Variants in ATP6V0D2 observed in about 807,000 individuals in gnomAD.
ATP6V0D2 encodes V-type proton ATPase subunit d 2.
Under a neutral mutation model 40.0 loss-of-function variants are expected in ATP6V0D2, and 40 were observed. The observed-to-expected ratio is 1.00, with a 90% CI of 0.78 to 1.30. The LOEUF (loss-of-function observed/expected upper bound fraction) is 1.30, where lower values mean the gene tolerates loss of function less well. Among genes scored for constraint, ATP6V0D2 ranks in the 50% most tolerant of loss-of-function variants. The probability of loss-of-function intolerance (pLI) is 0.00; values close to 1 mark genes in which losing one functional copy is unlikely to be tolerated. For missense variants in ATP6V0D2, 470 were observed against 423.1 expected (o/e 1.11, Z -0.97); for synonymous variants, 179 against 156.3 (o/e 1.15, Z -1.08).
At chr8:86,110,114 A>G (rs1392830829) in intron 1 of ATP6V0D2, among the ~76,000 whole-genome samples, 1 of 152,128 alleles carries the variant, frequency 6.6e-6, no homozygotes, top group African/African-American at 2.4e-5. Flanking sequence ...ATTTTTTGAG[A>G]CAGAGTCTGT....
rs965196415 is a variant in ATP6V0D2, at chr8:86,126,823, G to T, written c.303-12634G>T. Among the ~76,000 whole-genome samples the T allele has an allele frequency of 5.9e-5, 9 of 152,226 alleles. No individual in the cohort carries two copies. In the South Asian group the frequency reaches 1.5e-3, roughly 25 times the overall value. On this transcript the variant is annotated intron_variant, in intron 2 of 7. Coordinates refer to ENST00000285393, the MANE Select transcript of ATP6V0D2 (RefSeq NM_152565.1). ...GAACCAAGACATTAATGTAGAAAAG[G>T]ACAAGTTAAGTTTGAAGAATTTTTA... is the stretch of plus-strand genomic sequence containing the variant.
chr8:86,151,267 C>A lies in ATP6V0D2; in HGVS notation c.817-199C>A, dbSNP rs67705049. Reference sequence around the variant, plus strand: ...TTGTAGCCCTGAACAAGCCAATAGGCTAGAATTTCATCCACACTCTTGTTA... The same window carrying A: ...TTGTAGCCCTGAACAAGCCAATAGGATAGAATTTCATCCACACTCTTGTTA... On this transcript the variant is annotated intron_variant, in intron 6 of 7. Transcript: ENST00000285393. 0.045 allele frequency among the ~76,000 whole-genome samples: 6,871 copies of A among 152,104 alleles called. 274 individuals carry two copies. Among genetic ancestry groups the A allele is most frequent in the African/African-American group, 0.11 (4,681 of 41,482 alleles).
chr8:86,119,360 C>T (rs11993902), intron 2 of ATP6V0D2, among the ~76,000 whole-genome samples: 5 of 151,302 alleles, frequency 3.3e-5, no homozygotes, highest in Admixed American at 1.3e-4. Context: ...TTCCAAGTAG[C>T]TGGGTCTACA....
chr8:86,141,057 G>A (rs1424111670), intron 3 of ATP6V0D2, among the ~76,000 whole-genome samples: 1 of 152,238 alleles, frequency 6.6e-6, no homozygotes, highest in Admixed American at 6.5e-5. Context: ...GCTCTCCTAT[G>A]AGAACCTAAT....
At chr8:86,148,348 A>G (rs1486216435) in intron 5 of ATP6V0D2, among the ~76,000 whole-genome samples, 1 of 152,170 alleles carries the variant, frequency 6.6e-6, no homozygotes, top group Non-Finnish European at 1.5e-5. Context: ...CAGCTCACAC[A>G]TAATCTCCAT....
intron 1 of ATP6V0D2, among the ~76,000 whole-genome samples, chr8:86,110,610 T>C (rs1818518425): frequency 6.6e-6 from 1 of 152,178 alleles, no homozygotes; most frequent in South Asian, 2.1e-4. Flanking sequence ...ATACTAGAGT[T>C]GTCCTTTTCA....
chr8:86,104,310 G>A (rs1280687078), intron 1 of ATP6V0D2, among the ~76,000 whole-genome samples: 3 of 152,124 alleles, frequency 2.0e-5, no homozygotes, highest in African/African-American at 7.2e-5. Context: ...AACATGCTGG[G>A]ATTATAGGCC....
chr8:86,099,006 A>G lies in ATP6V0D2; in HGVS notation c.28A>G (p.Asn10Asp), dbSNP rs1382669251. The change falls in exon 1 of 8, where the codon AAC becomes GAC. Residue 10 changes from asparagine (N) to aspartate (D), a missense_variant. By Grantham distance (23) the Asn-to-Asp change is conservative. Coordinates refer to ENST00000285393, the MANE Select transcript of ATP6V0D2 (RefSeq NM_152565.1). The part of the protein sequence containing the change: MLEGAELYF[N>D]VDHGYLEGLV... ...GCTCGAAGGTGCGGAGCTGTACTTC[A>G]ACGTGGACCATGGCTACCTGGAGGG... 10 of 1,614,024 alleles carry G rather than the reference A, an allele frequency of 6.2e-6. No homozygotes were observed. Among genetic ancestry groups the G allele is most frequent in the Admixed American group, 5.0e-5 (3 of 59,992 alleles).
In ATP6V0D2 at chr8:86,148,679, G is replaced by C. The variant is rs115554782; in HGVS notation, c.640-1433G>C. Among the ~76,000 whole-genome samples the C allele has an allele frequency of 5.6e-3, 848 of 152,218 alleles. 7 individuals are homozygous for C. Among genetic ancestry groups the C allele is most frequent in the African/African-American group, 0.019 (808 of 41,522 alleles). ...TATTGCTTTGAATAGCAACATTATGGAGAATGTTGGAGAATTTCAAAGTAG... is the reference window on the plus strand; with the variant it reads ...TATTGCTTTGAATAGCAACATTATGCAGAATGTTGGAGAATTTCAAAGTAG... On this transcript the variant is annotated intron_variant, in intron 5 of 7. Transcript: ENST00000285393.
At position 86,099,190 on chromosome 8, in the gene ATP6V0D2, A is replaced by G. The variant is rs146073618; in HGVS notation, c.130+82A>G. ...CCTCTCCAGAAGCATGGAGAAAAAAAGCCCATAATCATATGGTTTGAGAGT... is the reference window on the plus strand; with the variant it reads ...CCTCTCCAGAAGCATGGAGAAAAAAGGCCCATAATCATATGGTTTGAGAGT... On this transcript the variant is annotated intron_variant, in intron 1 of 7. Transcript: ENST00000285393. The G allele has an allele frequency of 1.8e-4, 261 of 1,422,790 alleles. 2 individuals are homozygous for G. In the African/African-American group the frequency reaches 3.5e-3, roughly 19 times the overall value. 88.1% of individuals were successfully genotyped at this position (1,422,790 alleles called of 1,614,324 possible).
intron 2 of ATP6V0D2, among the ~76,000 whole-genome samples, chr8:86,131,922 C>T (rs949503630): frequency 1.3e-5 from 2 of 152,152 alleles, no homozygotes; most frequent in African/African-American, 4.8e-5. Context: ...TTATACATGT[C>T]CCCCTAGGTC....
In ATP6V0D2 at chr8:86,150,147, T is replaced by C. The variant is rs762959918; in HGVS notation, c.675T>C (p.Leu225=). 18 of 1,613,676 alleles carry C rather than the reference T, an allele frequency of 1.1e-5. No homozygotes were observed. Among genetic ancestry groups the C allele is most frequent in the Non-Finnish European group, 1.4e-5 (17 of 1,179,882 alleles). ...EADRRAFIIT[L]NSFGTELSKE... Reference sequence around the variant, plus strand: ...ACAGACGTGCTTTTATCATCACTCTTAACTCCTTTGGCACTGAATTGAGCA... The same window carrying C: ...ACAGACGTGCTTTTATCATCACTCTCAACTCCTTTGGCACTGAATTGAGCA... Residue 225 remains leucine (L), a synonymous_variant, in exon 6 of 8, where the codon CTT becomes CTC. Coordinates refer to ENST00000285393, the MANE Select transcript of ATP6V0D2 (RefSeq NM_152565.1).
chr8:86,114,502 T>C (rs1818567996), intron 2 of ATP6V0D2, among the ~76,000 whole-genome samples: 1 of 152,018 alleles, frequency 6.6e-6, no homozygotes, highest in Non-Finnish European at 1.5e-5. Context: ...AAACCCCATC[T>C]CTACTAAAAA....
intron 1 of ATP6V0D2, among the ~76,000 whole-genome samples, chr8:86,099,740 T>G (rs1818370256): frequency 6.6e-6 from 1 of 152,168 alleles, no homozygotes; most frequent in Admixed American, 6.5e-5. Flanking sequence ...GTGATCCGAC[T>G]GCCTTGGCCT....
chr8:86,145,198 A>C (rs10112227), intron 5 of ATP6V0D2, among the ~76,000 whole-genome samples: 1 of 43,948 alleles, frequency 2.3e-5, no homozygotes, highest in African/African-American at 6.4e-5. Flanking sequence ...AAGAAAGAAA[A>C]GAAAGAAAGA....
At chr8:86,127,010 G>A (rs907769114) in intron 2 of ATP6V0D2, among the ~76,000 whole-genome samples, 1 of 152,130 alleles carries the variant, frequency 6.6e-6, no homozygotes, top group Admixed American at 6.5e-5. Flanking sequence ...TAACTTTTCA[G>A]TATTTTATTT....
At chr8:86,135,886 C>T (rs1474495942) in intron 2 of ATP6V0D2, among the ~76,000 whole-genome samples, 1 of 151,912 alleles carries the variant, frequency 6.6e-6, no homozygotes, top group East Asian at 1.9e-4. Context: ...ATTTGCTTCC[C>T]AACCACTGCA....
intron 2 of ATP6V0D2, among the ~76,000 whole-genome samples, chr8:86,124,184 G>C (rs1180361957): frequency 4.6e-5 from 7 of 152,168 alleles, no homozygotes; most frequent in Admixed American, 4.6e-4. Flanking sequence ...AGCAAGTGCA[G>C]GGCAAACACA....
chr8:86,103,291 A>AT (rs938035037), intron 1 of ATP6V0D2, among the ~76,000 whole-genome samples: 3,176 of 107,432 alleles, frequency 0.03, 136 homozygotes, highest in Admixed American at 0.14. Flanking sequence ...CTAGTTTTGT[A>AT]TTTTTTTTTT....
Sources: allele counts gnomAD v4.1 joint callset (sites outside exome capture counted in the v4.1 genomes callset), GRCh38; gene constraint gnomAD v4.1.1; transcripts MANE v1.5; gene names NCBI Gene and HGNC (gene_info 2026-07-23, HGNC 2026-07-21).